The following CMIP variants were observed in gnomAD, a reference collection of about 807,000 sequenced individuals.
CMIP encodes C-Maf-inducing protein.
In CMIP, 13 loss-of-function variants were observed where a neutral mutation model predicts 97.3. The observed-to-expected ratio is 0.13, with a 90% CI of 0.09 to 0.21. The LOEUF (loss-of-function observed/expected upper bound fraction) is 0.21, where lower values mean the gene tolerates loss of function less well. CMIP is among the 10% of genes least tolerant of loss of function. The probability of loss-of-function intolerance (pLI) is 1.00; values close to 1 mark genes in which losing one functional copy is unlikely to be tolerated. For synonymous variants in CMIP, 538 were observed against 436.3 expected, an observed-to-expected ratio of 1.23 and a Z score of -2.91; for missense variants, 847 against 1,024.9, an observed-to-expected ratio of 0.83 and a Z score of 2.37.
At chr16:81,470,196 G>A (rs936622248) in intron 1 of CMIP, among the ~76,000 whole-genome samples, 55 of 152,302 alleles carry the variant, frequency 3.6e-4, no homozygotes, top group African/African-American at 1.2e-3. Context: ...GAAATAAAGC[G>A]GCCCCTGGCC....
At chr16:81,612,351 C>T (rs1012449354) in intron 2 of CMIP, among the ~76,000 whole-genome samples, 4 of 152,152 alleles carry the variant, frequency 2.6e-5, no homozygotes, top group Non-Finnish European at 4.4e-5. Flanking sequence ...TTCCGGGACT[C>T]GGCTCTTCTC....
chr16:81,451,323 C>T (rs1906201593), intron 1 of CMIP, among the ~76,000 whole-genome samples: 2 of 152,190 alleles, frequency 1.3e-5, no homozygotes, highest in African/African-American at 4.8e-5. Flanking sequence ...TTGTCTGCCA[C>T]CATGTAAGAC....
intron 1 of CMIP, among the ~76,000 whole-genome samples, chr16:81,597,843 G>A (rs1438796915): frequency 6.6e-6 from 1 of 151,998 alleles, no homozygotes; most frequent in East Asian, 1.9e-4. Context: ...CCATCTTCAG[G>A]GATCATCTGT....
chr16:81,510,074 C>T (rs927552052), intron 1 of CMIP, among the ~76,000 whole-genome samples: 2 of 152,286 alleles, frequency 1.3e-5, no homozygotes, highest in East Asian at 1.9e-4. Context: ...TTTAATGGGG[C>T]GTTTGGCAAA....
chr16:81,670,384 G>A (rs1245026920), intron 8 of CMIP, 139 bp downstream of exon 8: 33 of 868,984 alleles, frequency 3.8e-5, no homozygotes, highest in Non-Finnish European at 5.3e-5. Context: ...CCTACTGCAC[G>A]GTGCCCGATA....
At chr16:81,596,747 C>A (rs114389132) in intron 1 of CMIP, among the ~76,000 whole-genome samples, 1 of 152,050 alleles carries the variant, frequency 6.6e-6, no homozygotes, top group African/African-American at 2.4e-5. Flanking sequence ...CAGGATTTTC[C>A]CAATAGAGTA....
At chr16:81,609,161 C>T (rs1271061849) in intron 2 of CMIP, among the ~76,000 whole-genome samples, 1 of 152,108 alleles carries the variant, frequency 6.6e-6, no homozygotes, top group Non-Finnish European at 1.5e-5. Flanking sequence ...AACCCTGTCC[C>T]CACACCCCCA....
intron 1 of CMIP, among the ~76,000 whole-genome samples, chr16:81,591,881 G>A (rs2091472008): frequency 6.6e-6 from 1 of 150,980 alleles, no homozygotes; most frequent in South Asian, 2.1e-4. Flanking sequence ...CTAGAGTGTA[G>A]TGACGTGATC....
chr16:81,627,728 G>A lies in CMIP; in HGVS notation c.477+6802G>A, dbSNP rs2092093649. Among the ~76,000 whole-genome samples, 1 of 152,176 alleles carries A rather than the reference G, an allele frequency of 6.6e-6. No homozygotes were observed. The highest frequency in any genetic ancestry group is 2.4e-5 in the African/African-American group (1 of 41,420). Reference sequence around the variant, plus strand: ...GGGACTGAGCGTCCAAGTGGATAAAGGATGAGGATAAAGGACCGTGCCAAA... The same window carrying A: ...GGGACTGAGCGTCCAAGTGGATAAAAGATGAGGATAAAGGACCGTGCCAAA... On this transcript the variant is annotated intron_variant, in intron 3 of 20. Coordinates refer to ENST00000537098, the MANE Select transcript of CMIP (RefSeq NM_198390.3). This position sits in a 1 kb window ranked among gnomAD's most constrained non-coding sequence, Gnocchi z 4.6.
chr16:81,689,292 T>A (rs866956329), intron 10 of CMIP, among the ~76,000 whole-genome samples: 1 of 152,242 alleles, frequency 6.6e-6, no homozygotes, highest in Admixed American at 6.5e-5. Flanking sequence ...AAAGTGTTCC[T>A]ATTTCTCCAC....
intron 1 of CMIP, among the ~76,000 whole-genome samples, chr16:81,470,869 C>CTTTTTGTA (rs1907484541): frequency 6.6e-6 from 1 of 152,240 alleles, no homozygotes; most frequent in Non-Finnish European, 1.5e-5. Context: ...CCCTGAAACT[C>CTTTTTGTA]CTGAGATCAG....
Position 81,709,740 on chromosome 16 carries a change from C to T in CMIP, c.2269-6C>T. On this transcript the variant is annotated splice_region_variant and splice_polypyrimidine_tract_variant and intron_variant, in intron 20 of 20. Transcript: ENST00000537098. ...ACGTGACAAGGACTCTTATTGCCAC[C>T]CCCAGGCCAAGCTTCCCAATTTGAA... 1.2e-6 allele frequency: 2 copies of T among 1,613,868 alleles called. No individual in the cohort carries two copies. The highest frequency in any genetic ancestry group is 1.7e-6 in the Non-Finnish European group (2 of 1,179,830).
intron 11 of CMIP, among the ~76,000 whole-genome samples, chr16:81,692,076 G>C (rs1027038683): frequency 5.9e-5 from 9 of 152,298 alleles, no homozygotes; most frequent in African/African-American, 2.2e-4. Flanking sequence ...GGAGCTGCTT[G>C]ACTGCATTGT....
intron 1 of CMIP, among the ~76,000 whole-genome samples, chr16:81,561,416 A>G (rs533580233): frequency 4.0e-4 from 61 of 152,322 alleles, no homozygotes; most frequent in African/African-American, 1.4e-3. Context: ...GACACTTAGC[A>G]GATGTGTGGT....
intron 3 of CMIP, among the ~76,000 whole-genome samples, chr16:81,650,330 T>G (rs915933890): frequency 3.5e-4 from 54 of 152,120 alleles, no homozygotes; most frequent in African/African-American, 1.2e-3. Context: ...TAATTCTTGA[T>G]GTGCAATGGG....
chr16:81,598,576 C>T (rs2091602940), intron 1 of CMIP, among the ~76,000 whole-genome samples: 1 of 152,184 alleles, frequency 6.6e-6, no homozygotes, highest in Admixed American at 6.5e-5. Flanking sequence ...ATGTATTTTT[C>T]TCCCATGAGA....
At chr16:81,701,852 G>A (rs983517696) in intron 16 of CMIP, 52 bp downstream of exon 16, 3 of 1,606,294 alleles carry the variant, frequency 1.9e-6, no homozygotes, top group East Asian at 2.2e-5. Context: ...GCCAGGGGGG[G>A]CCAGGGCGGG....
chr16:81,604,218 A>AC lies in CMIP; in HGVS notation c.301-3345dup, dbSNP rs560636958. On this transcript the variant is annotated intron_variant, in intron 1 of 20. Transcript: ENST00000537098. The stretch of plus-strand genomic sequence containing the variant: ...AGACCAGCCTGGCCAACATGGTGAA[A>AC]CCCCATCTCTACTAAAAATACTGAA... Among the ~76,000 whole-genome samples, 805 of 151,396 alleles carry AC rather than the reference A, an allele frequency of 5.3e-3. 6 individuals are homozygous for AC. Among genetic ancestry groups the AC allele is most frequent in the Middle Eastern group, 0.028 (8 of 290 alleles).
intron 6 of CMIP, among the ~76,000 whole-genome samples, chr16:81,663,577 T>G (rs527750878): frequency 6.6e-6 from 1 of 152,342 alleles, no homozygotes. Flanking sequence ...GACATTTGTC[T>G]AAACACCCAG....
Sources: allele counts gnomAD v4.1 joint callset (sites outside exome capture counted in the v4.1 genomes callset), GRCh38; gene constraint gnomAD v4.1.1; non-coding constraint Gnocchi (gnomAD v3.1); transcripts MANE v1.5; gene names NCBI Gene and HGNC (gene_info 2026-07-23, HGNC 2026-07-21).